Variants in SEMA6D observed in about 807,000 individuals in gnomAD.
SEMA6D encodes the protein semaphorin-6D.
Under a neutral mutation model 106.6 loss-of-function variants are expected in SEMA6D, and 35 were observed. That is an observed-to-expected ratio of 0.33 (90% confidence interval 0.25 to 0.44). SEMA6D has a LOEUF of 0.44. SEMA6D is among the 20% of genes least tolerant of loss of function. The pLI is 1.00. For missense variants in SEMA6D, 1,185 were observed against 1,345.9 expected, an observed-to-expected ratio of 0.88 and a Z score of 1.87; for synonymous variants, 499 against 487.7, an observed-to-expected ratio of 1.02 and a Z score of -0.31.
At chr15:47,647,735 A>T (rs1403231173) in intron 4 of SEMA6D, among the ~76,000 whole-genome samples, 1 of 151,552 alleles carries the variant, frequency 6.6e-6, no homozygotes, top group East Asian at 1.9e-4. Context: ...AAAAAAAAAA[A>T]TCAGCACTAA....
At chr15:47,766,033 C>T in intron 14 of SEMA6D, 24 bp downstream of exon 14, 1 of 1,608,710 alleles carries the variant, frequency 6.2e-7, no homozygotes, top group Non-Finnish European at 8.5e-7. Context: ...TCTTTACTTA[C>T]CCTGGGTCTT....
intron 1 of SEMA6D, among the ~76,000 whole-genome samples, chr15:47,380,224 A>G (rs77790413): frequency 6.6e-6 from 1 of 152,212 alleles, no homozygotes; most frequent in South Asian, 2.1e-4. Flanking sequence ...ACCTATAAAC[A>G]TACACCCGAT....
chr15:47,421,888 T>C (rs1186209546), intron 2 of SEMA6D, among the ~76,000 whole-genome samples: 1 of 152,088 alleles, frequency 6.6e-6, no homozygotes, highest in African/African-American at 2.4e-5. Context: ...TTTGACTGTC[T>C]TTTCTAGAAT....
intron 3 of SEMA6D, among the ~76,000 whole-genome samples, chr15:47,481,458 C>A (rs2141301256): frequency 6.6e-6 from 1 of 152,272 alleles, no homozygotes; most frequent in East Asian, 1.9e-4. Flanking sequence ...GACACCTGAA[C>A]CCCAGTTATG....
intron 2 of SEMA6D, among the ~76,000 whole-genome samples, chr15:47,451,187 G>A (rs953239803): frequency 1.3e-5 from 2 of 151,974 alleles, no homozygotes; most frequent in Admixed American, 1.3e-4. Flanking sequence ...AAACACACAG[G>A]TTATGGCAAG....
intron 1 of SEMA6D, among the ~76,000 whole-genome samples, chr15:47,221,360 A>T (rs2031191923): frequency 6.6e-6 from 1 of 152,128 alleles, no homozygotes; most frequent in South Asian, 2.1e-4. Context: ...AGCATCAGGG[A>T]TGTTAAAGGC....
rs2076639528 is a variant in SEMA6D, at chr15:47,600,897, G to A, written c.-55+1G>A. ...ACCAGACAAGCCAACCTTTTTCAAG[G>A]TAAACAACATACTGTTCTCCAATTT... On this transcript the variant is annotated splice_donor_variant, in intron 4 of 19. Coordinates refer to the SEMA6D transcript ENST00000558014. LOFTEE classifies it low-confidence loss of function (5UTR_SPLICE). 1 of 151,878 alleles carries A rather than the reference G, an allele frequency of 6.6e-6. No homozygotes were observed. Among genetic ancestry groups the A allele is most frequent in the South Asian group, 2.1e-4 (1 of 4,810 alleles). The allele number at this position is 151,878 out of a possible 1,614,324, so 9.4% of individuals were successfully genotyped here.
At chr15:47,494,830 C>T (rs1414170021) in intron 3 of SEMA6D, among the ~76,000 whole-genome samples, 3 of 138,942 alleles carry the variant, frequency 2.2e-5, no homozygotes, top group Non-Finnish European at 3.1e-5. Context: ...CACACACACA[C>T]GCTAATTCAT....
chr15:47,623,059 TC>T (rs1014612722), intron 4 of SEMA6D, among the ~76,000 whole-genome samples: 6 of 152,012 alleles, frequency 3.9e-5, no homozygotes, highest in African/African-American at 1.4e-4. Context: ...GCCCTTCTCT[TC>T]CCCCCTCCCT....
rs137965172 is a variant in SEMA6D at position 47,288,069 on chromosome 15, G to A, written c.-239+103651G>A. 6.3e-3 allele frequency among the ~76,000 whole-genome samples: 952 copies of A among 152,312 alleles called. 17 individuals carry two copies. The highest frequency in any genetic ancestry group is 0.022 in the African/African-American group (906 of 41,570). ...ATCAGATCTTTTGTGAAGTCAGAGG[G>A]AGAGTTCAGTTTATCACCAAGGGTA... On this transcript the variant is annotated intron_variant, in intron 1 of 19. Transcript: ENST00000558014.
In SEMA6D at chr15:47,410,639, G is replaced by T. The variant is rs2040760156; in HGVS notation, c.-238-1754G>T. On this transcript the variant is annotated intron_variant, in intron 1 of 19. Coordinates refer to the SEMA6D transcript ENST00000558014. ...TTATTGAATTGGATCTTTGGGGTAG[G>T]TGCATTAAAATGACCTGTTCTTCTT... Among the ~76,000 whole-genome samples the T allele has an allele frequency of 2.6e-5, 4 of 152,212 alleles. No homozygotes were observed. The South Asian group carries it at 8.3e-4, about 32-fold the overall frequency.
chr15:47,261,853 T>C (rs2034090350), intron 1 of SEMA6D, among the ~76,000 whole-genome samples: 1 of 152,180 alleles, frequency 6.6e-6, no homozygotes, highest in Non-Finnish European at 1.5e-5. Context: ...CAGTATTTCA[T>C]TCCTTTTTAT....
chr15:47,229,829 A>T (rs2032062907), intron 1 of SEMA6D, among the ~76,000 whole-genome samples: 1 of 152,098 alleles, frequency 6.6e-6, no homozygotes, highest in South Asian at 2.1e-4. Context: ...CTTCTCTAGA[A>T]GACTGATAAC....
Position 47,771,539 on chromosome 15 carries a change from G to A in SEMA6D, c.2976G>A (p.Gln992=). Residue 992 remains glutamine (Q), a synonymous_variant, in exon 19 of 19, where the codon CAG becomes CAA. Coordinates refer to ENST00000536845, the MANE Select transcript of SEMA6D (RefSeq NM_001358351.3). ...NSPNGVLLSR[Q]PSMNRGGYMP... is the part of the protein sequence containing the mutation. The stretch of plus-strand genomic sequence containing the variant: ...CAAATGGTGTTTTGTTATCCAGACA[G>A]CCTAGTATGAACCGTGGAGGATATA... 1 of 1,614,094 alleles carries A rather than the reference G, an allele frequency of 6.2e-7. No homozygotes were observed. Among genetic ancestry groups the A allele is most frequent in the Non-Finnish European group, 8.5e-7 (1 of 1,179,990 alleles).
intron 1 of SEMA6D, among the ~76,000 whole-genome samples, chr15:47,732,960 C>T (rs1046275007): frequency 1.3e-5 from 2 of 152,072 alleles, no homozygotes; most frequent in South Asian, 2.1e-4. Context: ...ATAGTAAACA[C>T]GAGCCGTAAT....
intron 1 of SEMA6D, among the ~76,000 whole-genome samples, chr15:47,348,719 C>CGAGAG (rs1567016651): frequency 2.6e-4 from 5 of 19,158 alleles, no homozygotes; most frequent in South Asian, 4.1e-3. Context: ...ACACACACAC[C>CGAGAG]ACACACACAG....
At chr15:47,668,523 TC>T (rs768374644) in intron 4 of SEMA6D, among the ~76,000 whole-genome samples, 57 of 152,182 alleles carry the variant, frequency 3.7e-4, no homozygotes, top group Non-Finnish European at 5.6e-4. Flanking sequence ...TGAGATAAAG[TC>T]CACCCTAGCT....
Position 47,766,195 on chromosome 15 carries a change from T to C in SEMA6D, c.1646+13T>C. On this transcript the variant is annotated intron_variant, in intron 15 of 18. Coordinates refer to ENST00000536845, the MANE Select transcript of SEMA6D (RefSeq NM_001358351.3). ...CCCCAGGGATGCTGTAAGTATACTT[T>C]GTCACATGAGCTAGGATGAACTATC... 6.2e-7 allele frequency: 1 copy of C among 1,609,054 alleles called. No individual in the cohort carries two copies. The highest frequency in any genetic ancestry group is 8.5e-7 in the Non-Finnish European group (1 of 1,175,910).
intron 1 of SEMA6D, among the ~76,000 whole-genome samples, chr15:47,752,480 C>T (rs2081493903): frequency 6.6e-6 from 1 of 152,138 alleles, no homozygotes; most frequent in South Asian, 2.1e-4. Context: ...AGCAAAGTTT[C>T]TTTCAGTGCC....
Sources: allele counts gnomAD v4.1 joint callset (sites outside exome capture counted in the v4.1 genomes callset), GRCh38; gene constraint gnomAD v4.1.1; transcripts MANE v1.5; gene names NCBI Gene and HGNC (gene_info 2026-07-23, HGNC 2026-07-21).